FYN: variants seen among roughly 807,000 people sequenced by gnomAD.
The protein encoded by FYN is tyrosine-protein kinase Fyn.
Under a neutral mutation model 70.2 loss-of-function variants are expected in FYN, and 10 were observed. The ratio of observed to expected loss-of-function variants is 0.14; its 90% CI spans 0.09 to 0.24. FYN has a LOEUF of 0.24. Among genes scored for constraint, FYN ranks in the 10% least tolerant of loss-of-function variants. The probability of loss-of-function intolerance (pLI) is 1.00; values close to 1 mark genes in which losing one functional copy is unlikely to be tolerated. For missense variants in FYN, 319 were observed against 673.1 expected (o/e 0.47, Z 5.82); for synonymous variants, 236 against 248.6 (o/e 0.95, Z 0.48).
intron 3 of FYN, among the ~76,000 whole-genome samples, chr6:111,721,997 G>A (rs573958512): frequency 6.6e-6 from 1 of 152,242 alleles, no homozygotes; most frequent in East Asian, 1.9e-4. Context: ...AGGGCTTGAG[G>A]CAGCAAAGGA....
rs1461113516 is a variant in FYN, at chr6:111,768,930, C to G, written c.-12+11636G>C. On this transcript the variant is annotated intron_variant, in intron 3 of 13. Coordinates refer to ENST00000354650, the MANE Select transcript of FYN (RefSeq NM_002037.5). Reference sequence around the variant, plus strand: ...TTAAAGAAATGAAAAGGCTTTGAATCAGCATGGGATAAAAGGATTGTGATT... The same window carrying G: ...TTAAAGAAATGAAAAGGCTTTGAATGAGCATGGGATAAAAGGATTGTGATT... Among the ~76,000 whole-genome samples the G allele has an allele frequency of 2.6e-5, 4 of 152,166 alleles. No individual in the cohort carries two copies. The South Asian group carries it at 6.2e-4, about 24-fold the overall frequency.
chr6:111,862,011 T>C lies in FYN; in HGVS notation c.-123+10957A>G, dbSNP rs557418467. 4.6e-5 allele frequency among the ~76,000 whole-genome samples: 7 copies of C among 152,284 alleles called. No individual in the cohort carries two copies. In the East Asian group the frequency reaches 5.8e-4, roughly 13 times the overall value. On this transcript the variant is annotated intron_variant, in intron 1 of 13. Transcript: ENST00000354650. ...CACTTCCACAGCCAAAATTGGGCTA[T>C]ACATGGCAGAGGCACTCAGTTAAAT...
At chr6:111,666,675 G>A (rs898453744) in intron 13 of FYN, among the ~76,000 whole-genome samples, 7 of 152,074 alleles carry the variant, frequency 4.6e-5, no homozygotes, top group South Asian at 4.1e-4. Flanking sequence ...TGTACAAAAA[G>A]TACAAAAATT....
At chr6:111,679,933 A>T (rs775957891) in intron 12 of FYN, among the ~76,000 whole-genome samples, 3 of 152,102 alleles carry the variant, frequency 2.0e-5, no homozygotes, top group Non-Finnish European at 2.9e-5. Context: ...CGAGGTGGCA[A>T]GGGGCCTTGG....
At chr6:111,761,680 G>A (rs994523106) in intron 3 of FYN, among the ~76,000 whole-genome samples, 4 of 152,110 alleles carry the variant, frequency 2.6e-5, no homozygotes, top group East Asian at 3.8e-4. Flanking sequence ...AGAGCCTTCC[G>A]GGGCGACAAC....
intron 12 of FYN, among the ~76,000 whole-genome samples, chr6:111,689,839 C>T (rs755919184): frequency 5.3e-5 from 8 of 152,122 alleles, no homozygotes; most frequent in African/African-American, 1.2e-4. Context: ...TCTTTATCTT[C>T]GGGGTGGATT....
chr6:111,818,908 T>G (rs983019080), intron 2 of FYN, among the ~76,000 whole-genome samples: 1 of 152,198 alleles, frequency 6.6e-6, no homozygotes, highest in African/African-American at 2.4e-5. Context: ...CCTAACTATG[T>G]GTCTCTTGGA....
At chr6:111,826,876 G>A (rs1772851290) in intron 2 of FYN, among the ~76,000 whole-genome samples, 1 of 152,140 alleles carries the variant, frequency 6.6e-6, no homozygotes, top group South Asian at 2.1e-4. Context: ...CTGACTTTTT[G>A]TTCTGTTTCT....
intron 3 of FYN, among the ~76,000 whole-genome samples, chr6:111,742,662 A>T (rs1458963075): frequency 1.3e-5 from 2 of 152,250 alleles, no homozygotes; most frequent in African/African-American, 4.8e-5. Flanking sequence ...TTGCAACTGA[A>T]CAGAACTGTT....
intron 9 of FYN, chr6:111,699,609 A>C (rs781076580): frequency 6.2e-7 from 1 of 1,614,212 alleles, no homozygotes; most frequent in Non-Finnish European, 8.5e-7. Flanking sequence ...CCAATCCAGA[A>C]GTTTGTGGGG....
In FYN at chr6:111,699,156, T is replaced by C. The variant is rs112420852; in HGVS notation, c.862+948A>G. Among the ~76,000 whole-genome samples, 265 of 152,326 alleles carry C rather than the reference T, an allele frequency of 1.7e-3. 3 individuals carry two copies. The South Asian group carries it at 0.021, about 12-fold the overall frequency. On this transcript the variant is annotated intron_variant, in intron 9 of 13. Transcript: ENST00000354650. ...GCTTAAAGGAGTTAAATATGCCCCT[T>C]GTTCGTGGTTAATTAGCTAGTAAGG...
intron 12 of FYN, among the ~76,000 whole-genome samples, chr6:111,688,882 G>C (rs1002247954): frequency 4.6e-5 from 7 of 152,318 alleles, no homozygotes; most frequent in Admixed American, 4.6e-4. Flanking sequence ...GGCCCTTGGA[G>C]CATGCAGGTA....
At chr6:111,729,981 T>C (rs1039552579) in intron 3 of FYN, among the ~76,000 whole-genome samples, 1 of 152,218 alleles carries the variant, frequency 6.6e-6, no homozygotes, top group East Asian at 1.9e-4. Flanking sequence ...CTGATTGAAT[T>C]TGTATGTAAG....
intron 7 of FYN, among the ~76,000 whole-genome samples, chr6:111,703,288 G>A (rs902783141): frequency 7.2e-5 from 11 of 151,994 alleles, no homozygotes; most frequent in South Asian, 2.1e-4. Flanking sequence ...CACACTGTTC[G>A]GTACCCCTTG....
chr6:111,724,598 C>A (rs1801113197), intron 3 of FYN, among the ~76,000 whole-genome samples: 1 of 152,214 alleles, frequency 6.6e-6, no homozygotes, highest in African/African-American at 2.4e-5. Context: ...CAGTCTTCTG[C>A]ACAAGCAAAT....
At chr6:111,828,125 G>C (rs149329069) in intron 2 of FYN, among the ~76,000 whole-genome samples, 47 of 152,218 alleles carry the variant, frequency 3.1e-4, no homozygotes, top group African/African-American at 1.1e-3. Context: ...CTGCACTGCT[G>C]ACCTTGTCCT....
intron 4 of FYN, chr6:111,719,602 C>G (rs2128461623): frequency 1.7e-6 from 1 of 594,222 alleles, no homozygotes; most frequent in Non-Finnish European, 2.9e-6. Context: ...CTTGGGGCAC[C>G]TTGCAACCCT....
chr6:111,792,901 C>T (rs1272362365), intron 2 of FYN, among the ~76,000 whole-genome samples: 1 of 152,156 alleles, frequency 6.6e-6, no homozygotes, highest in Non-Finnish European at 1.5e-5. Context: ...GGATGGGGAC[C>T]TGAGGGGACT....
At chr6:111,761,551 T>C (rs549941261) in intron 3 of FYN, among the ~76,000 whole-genome samples, 3 of 152,358 alleles carry the variant, frequency 2.0e-5, no homozygotes, top group South Asian at 2.1e-4. Context: ...TGAAAATGCC[T>C]TGGTTTCCTG....
Sources: allele counts gnomAD v4.1 joint callset (sites outside exome capture counted in the v4.1 genomes callset), GRCh38; gene constraint gnomAD v4.1.1; transcripts MANE v1.5; gene names NCBI Gene and HGNC (gene_info 2026-07-23, HGNC 2026-07-21).